The following TRPV2 variants were observed in gnomAD, a reference collection of about 807,000 sequenced individuals.
The protein encoded by TRPV2 is transient receptor potential cation channel subfamily V member 2, also known as OTRPC2.
Under a neutral mutation model 91.0 loss-of-function variants are expected in TRPV2, and 58 were observed. The ratio of observed to expected loss-of-function variants is 0.64; its 90% CI spans 0.52 to 0.79. The LOEUF (loss-of-function observed/expected upper bound fraction) is 0.79, where lower values mean the gene tolerates loss of function less well. TRPV2 is among the 30% of genes least tolerant of loss of function. TRPV2 has a pLI of 0.00. For missense variants in TRPV2, 807 were observed against 969.6 expected, an observed-to-expected ratio of 0.83 and a Z score of 2.23; for synonymous variants, 417 against 414.8, an observed-to-expected ratio of 1.01 and a Z score of -0.06.
At position 16,426,256 on chromosome 17, in the gene TRPV2, A is replaced by G; in HGVS notation, c.1082A>G (p.His361Arg). ...TCAGTGCTGGAGATCATTGCCTTTC[A>G]TTGCAAGAGCCCGGTGAGCCCACAG... ...ENSVLEIIAF[H>R]CKSPHRHRMV... The change falls in exon 6 of 15, where the codon CAT (histidine) becomes CGT (arginine). Residue 361 changes from histidine to arginine, a missense_variant. Physicochemically the swap from His to Arg is conservative, Grantham distance 29. Transcript: ENST00000338560. The surrounding 1 kb of genome is among the most constrained non-coding windows in gnomAD (Gnocchi z 6.0). 1.9e-6 allele frequency: 3 copies of G among 1,614,132 alleles called. No individual in the cohort carries two copies. The highest frequency in any genetic ancestry group is 1.1e-5 in the South Asian group (1 of 91,070).
rs1186439270 is a variant in TRPV2 at position 16,433,698 on chromosome 17, GGTGA to G, written c.2114+8_2114+11del. 3.7e-6 allele frequency: 6 copies of G among 1,613,536 alleles called. No homozygotes were observed. The highest frequency in any genetic ancestry group is 5.1e-6 in the Non-Finnish European group (6 of 1,179,916). On this transcript the variant is annotated splice_donor_variant and splice_donor_region_variant and intron_variant, in intron 13 of 14. Transcript: ENST00000338560. LOFTEE classifies it high-confidence loss of function. ...AGCCCCGATGAGCGCTGGTGCTTCA[GGTGA>G]GTGAGTGGTGGGAGGGTCTCCTGGG... is the stretch of plus-strand genomic sequence containing the variant.
rs1255426893 is a variant in TRPV2, at chr17:16,423,615, A to C, written c.772A>C (p.Asn258His). Residue 258 changes from asparagine to histidine, a missense_variant, in exon 5 of 15, where the codon AAC becomes CAC. Asn to His is a moderately conservative substitution (Grantham distance 68). Transcript: ENST00000338560. ...VLHALVMISD[N>H]SAENIALVTS... ...GCATGCCCTAGTGATGATCTCGGAC[A>C]ACTCAGCTGAGAACATTGCACTGGT... The C allele has an allele frequency of 6.2e-7, 1 of 1,613,516 alleles. No individual in the cohort carries two copies. The highest frequency in any genetic ancestry group is 1.1e-5 in the South Asian group (1 of 91,028).
chr17:16,428,388 G>A lies in TRPV2; in HGVS notation c.1421+1G>A. 6.2e-7 allele frequency: 1 copy of A among 1,614,086 alleles called. No individual in the cohort carries two copies. The highest frequency in any genetic ancestry group is 2.2e-5 in the East Asian group (1 of 44,874). On this transcript the variant is annotated splice_donor_variant, in intron 9 of 14. Transcript: ENST00000338560. LOFTEE classifies it high-confidence loss of function. ...TAGACAGCTACTTTGAAATCCTCTTGTACGTGGGTTCTCACTCCTCCTTCT... is the reference window on the plus strand; with the variant it reads ...TAGACAGCTACTTTGAAATCCTCTTATACGTGGGTTCTCACTCCTCCTTCT...
chr17:16,436,422 C>A (rs376127322), intron 14 of TRPV2, among the ~76,000 whole-genome samples: 2 of 152,160 alleles, frequency 1.3e-5, no homozygotes, highest in African/African-American at 4.8e-5. Context: ...TCGTCTCTGT[C>A]GGAAGTGCTC....
chr17:16,422,998 AC>A, intron 4 of TRPV2, 109 bp downstream of exon 4: 1 of 1,330,930 alleles, frequency 7.5e-7, no homozygotes, highest in Non-Finnish European at 1.0e-6. Context: ...GGTTTTTCTG[AC>A]CCCGATGCCC....
intron 3 of TRPV2, 97 bp downstream of exon 3, chr17:16,420,345 A>G: frequency 7.1e-7 from 1 of 1,414,108 alleles, no homozygotes; most frequent in South Asian, 1.4e-5. Flanking sequence ...CTGAGGAGTG[A>G]GTGTTCTCAG....
intron 5 of TRPV2, among the ~76,000 whole-genome samples, chr17:16,425,618 C>T (rs1368252740): frequency 6.6e-6 from 1 of 152,208 alleles, no homozygotes; most frequent in Non-Finnish European, 1.5e-5. Context: ...AGAGGCACTG[C>T]TGTGTGGCCT....
intron 14 of TRPV2, among the ~76,000 whole-genome samples, chr17:16,436,160 C>T (rs1190033237): frequency 6.6e-6 from 1 of 152,172 alleles, no homozygotes; most frequent in African/African-American, 2.4e-5. Flanking sequence ...CCACTCATCC[C>T]TCTGCCCTGC....
In TRPV2 at chr17:16,426,696, C is replaced by T; in HGVS notation, c.1096-26C>T. 1 of 1,604,474 alleles carries T rather than the reference C, an allele frequency of 6.2e-7. No homozygotes were observed. Among genetic ancestry groups the T allele is most frequent in the Admixed American group, 1.7e-5 (1 of 59,418 alleles). On this transcript the variant is annotated intron_variant, in intron 6 of 14. Coordinates refer to ENST00000338560, the MANE Select transcript of TRPV2 (RefSeq NM_016113.5). The surrounding 1 kb of genome is among the most constrained non-coding windows in gnomAD (Gnocchi z 6.0). ...GCCTATTTGCACTTGTTGAGTGTACCCATGGCTCTCCCCTCCCCACCCCAG... is the reference window on the plus strand; with the variant it reads ...GCCTATTTGCACTTGTTGAGTGTACTCATGGCTCTCCCCTCCCCACCCCAG...
intron 13 of TRPV2, 100 bp from the exon 14 acceptor site, chr17:16,434,790 C>G (rs2093428316): frequency 8.7e-7 from 1 of 1,155,304 alleles, no homozygotes; most frequent in Non-Finnish European, 1.3e-6. Flanking sequence ...ACCAGAGCAT[C>G]TCTGCATAGT....
intron 3 of TRPV2, among the ~76,000 whole-genome samples, chr17:16,420,629 T>C (rs1243708131): frequency 6.6e-6 from 1 of 152,232 alleles, no homozygotes; most frequent in African/African-American, 2.4e-5. Flanking sequence ...AATCTAAATA[T>C]CTGTATTGTT....
intron 10 of TRPV2, among the ~76,000 whole-genome samples, chr17:16,431,057 G>GT (rs1355818325): frequency 2.8e-5 from 4 of 143,306 alleles, no homozygotes. Flanking sequence ...TTTGTTTTTT[G>GT]TTTTTTGTTT....
At chr17:16,427,408 G>A in intron 7 of TRPV2, 41 bp from the exon 8 acceptor site, 1 of 1,592,456 alleles carries the variant, frequency 6.3e-7, no homozygotes, top group Non-Finnish European at 8.6e-7. Flanking sequence ...CTGTTCGAGA[G>A]AGGACCCAAG....
At position 16,432,439 on chromosome 17, in the gene TRPV2, C is replaced by CTG. The variant is rs746455621; in HGVS notation, c.1989+140_1989+141insGT. 7 of 535,144 alleles carry CTG rather than the reference C, an allele frequency of 1.3e-5. No homozygotes were observed. In the Admixed American group the frequency reaches 2.2e-4, roughly 17 times the overall value. The allele number at this position is 535,144 out of a possible 1,614,324, so 33.1% of individuals were successfully genotyped here. A position where few individuals can be genotyped will look rare whatever the true frequency, so the allele number is the denominator to read the frequency against. ...CTCTACCTTGTCAGTCTTCCTCTTCCTTTTTTTTTTTTTTTTCTGGAGACA... is the reference window on the plus strand; with the variant it reads ...CTCTACCTTGTCAGTCTTCCTCTTCCTGTTTTTTTTTTTTTTTTCTGGAGACA... On this transcript the variant is annotated intron_variant, in intron 12 of 14. Coordinates refer to ENST00000338560, the MANE Select transcript of TRPV2 (RefSeq NM_016113.5).
chr17:16,424,438 G>T (rs1427216715), intron 5 of TRPV2, among the ~76,000 whole-genome samples: 1 of 152,064 alleles, frequency 6.6e-6, no homozygotes, highest in Non-Finnish European at 1.5e-5. Flanking sequence ...GGGATTACAG[G>T]CACGCGCCAC....
chr17:16,418,626 C>G (rs1018680540), intron 2 of TRPV2, among the ~76,000 whole-genome samples: 5 of 152,060 alleles, frequency 3.3e-5, no homozygotes, highest in Admixed American at 6.6e-5. Context: ...AGATTCAGCA[C>G]CAGGGTAGGG....
Position 16,427,520 on chromosome 17 carries a change from A to AG in TRPV2, c.1329dup (p.Ile444AspfsTer28). 2 of 1,613,312 alleles carry AG rather than the reference A, an allele frequency of 1.2e-6. No individual in the cohort carries two copies. Among genetic ancestry groups the AG allele is most frequent in the Non-Finnish European group, 1.7e-6 (2 of 1,179,506 alleles). ...TGACGGGCCACATCCTTATCCTGCT[A>AG]GGGGGGATCTACCTCCTCGTGGGCC... On this transcript the variant is annotated frameshift_variant, in exon 8 of 15. Transcript: ENST00000338560. LOFTEE classifies it high-confidence loss of function.
At position 16,420,227 on chromosome 17, in the gene TRPV2, C is replaced by T. The variant is rs1284250652; in HGVS notation, c.313C>T (p.Leu105Phe). The T allele has an allele frequency of 1.2e-6, 2 of 1,613,938 alleles. No homozygotes were observed. Among genetic ancestry groups the T allele is most frequent in the East Asian group, 2.2e-5 (1 of 44,882 alleles). Residue 105 changes from leucine (L) to phenylalanine (F), a missense_variant, in exon 3 of 15, where the codon CTC (leucine) becomes TTC (phenylalanine). Coordinates refer to ENST00000338560, the MANE Select transcript of TRPV2 (RefSeq NM_016113.5). ...GTACCTGAGCAAGACCAGCAAGTAC[C>T]TCACCGACTCGGAATACACAGGTAG... ...PEYLSKTSKY[L>F]TDSEYTEGST...
chr17:16,418,565 T>C (rs2093341931), intron 2 of TRPV2, among the ~76,000 whole-genome samples: 1 of 152,064 alleles, frequency 6.6e-6, no homozygotes, highest in South Asian at 2.1e-4. Flanking sequence ...GCCACCAGCT[T>C]TGGCCTCGCA....
Sources: gnomAD v4.1 joint callset for allele counts (sites outside exome capture counted in the v4.1 genomes callset) on GRCh38, gnomAD v4.1.1 for gene constraint, Gnocchi (gnomAD v3.1) non-coding constraint, MANE v1.5 for transcripts, NCBI Gene and HGNC (gene_info 2026-07-23, HGNC 2026-07-21) for gene names.